Variants in NECTIN3 observed in about 807,000 individuals in gnomAD.
NECTIN3 encodes the protein nectin cell adhesion molecule 3.
In NECTIN3, 8 loss-of-function variants were observed where a neutral mutation model predicts 49.4. That is an observed-to-expected ratio of 0.16 (90% CI 0.10 to 0.29). NECTIN3 has a LOEUF of 0.29. Ranked by LOEUF, NECTIN3 falls within the 10% of genes least tolerant of loss-of-function variation. The probability of loss-of-function intolerance (pLI) is 1.00; values close to 1 mark genes in which losing one functional copy is unlikely to be tolerated. For synonymous variants in NECTIN3, 277 were observed against 241.1 expected, an observed-to-expected ratio of 1.15 and a Z score of -1.38; for missense variants, 581 against 654.6, an observed-to-expected ratio of 0.89 and a Z score of 1.23.
chr3:111,134,683 T>G lies in NECTIN3; in HGVS notation c.*468T>G, dbSNP rs1427909732. The G allele has an allele frequency of 3.5e-6, 3 of 849,960 alleles. No individual in the cohort carries two copies. The East Asian group carries it at 3.7e-4, about 104-fold the overall frequency. The allele number at this position is 849,960 out of a possible 1,614,324, so 52.7% of individuals were successfully genotyped here. A position where few individuals can be genotyped will look rare whatever the true frequency, so the allele number is the denominator to read the frequency against. On this transcript the variant is annotated 3_prime_UTR_variant, in exon 6 of 6. Transcript: ENST00000485303. The stretch of plus-strand genomic sequence containing the variant: ...GACTATAAAACTAATTCAAGAAATA[T>G]TTATATATATTTTTTAATATACAAA...
chr3:111,136,955 G>C lies in NECTIN3; in HGVS notation c.*2740G>C, dbSNP rs960902468. 4 of 975,232 alleles carry C rather than the reference G, an allele frequency of 4.1e-6. No homozygotes were observed. The South Asian group carries it at 1.4e-4, about 35-fold the overall frequency. The allele number at this position is 975,232 out of a possible 1,614,324, so 60.4% of individuals were successfully genotyped here. On this transcript the variant is annotated 3_prime_UTR_variant, in exon 6 of 6. Coordinates refer to ENST00000485303, the MANE Select transcript of NECTIN3 (RefSeq NM_015480.3). The stretch of plus-strand genomic sequence containing the variant: ...TAGTATTTTACCACGTGCCTAGTAG[G>C]GTTCTATTTGCTAACTCTAATATTG...
intron 7 of NECTIN3, among the ~76,000 whole-genome samples, chr3:111,162,470 C>A (rs1276883667): frequency 6.6e-6 from 1 of 152,108 alleles, no homozygotes; most frequent in African/African-American, 2.4e-5. Context: ...GTGTTTGCTT[C>A]CCTTTCTGCC....
At chr3:111,176,688 GA>G (rs1341886524) in intron 7 of NECTIN3, among the ~76,000 whole-genome samples, 2 of 151,262 alleles carry the variant, frequency 1.3e-5, no homozygotes, top group African/African-American at 2.4e-5. Context: ...TTTCTTCTGG[GA>G]AAATGTTGAA....
At chr3:111,187,317 C>T (rs551462262) in intron 7 of NECTIN3, among the ~76,000 whole-genome samples, 3 of 152,092 alleles carry the variant, frequency 2.0e-5, no homozygotes, top group Non-Finnish European at 2.9e-5. Context: ...GGAGGAGGAT[C>T]GCTTGAACTC....
At chr3:111,171,704 C>A (rs2035435806) in intron 7 of NECTIN3, among the ~76,000 whole-genome samples, 1 of 149,362 alleles carries the variant, frequency 6.7e-6, no homozygotes, top group African/African-American at 2.5e-5. Context: ...TGGGTGGGAC[C>A]TCATAAAAAA....
downstream of NECTIN3, among the ~76,000 whole-genome samples, chr3:111,141,146 A>T (rs997794854): frequency 6.6e-6 from 1 of 151,994 alleles, no homozygotes; most frequent in Admixed American, 6.6e-5. Flanking sequence ...GTAGTGAGAC[A>T]TAAATGTTCA....
chr3:111,173,770 A>T (rs1028443373), intron 7 of NECTIN3, among the ~76,000 whole-genome samples: 5 of 152,144 alleles, frequency 3.3e-5, no homozygotes, highest in African/African-American at 1.2e-4. Flanking sequence ...AGCCTTTAGT[A>T]AAGTGTACAG....
Position 111,071,925 on chromosome 3 carries a change from C to T in NECTIN3, c.-93C>T, listed in dbSNP as rs927217652. 11 of 869,266 alleles carry T rather than the reference C, an allele frequency of 1.3e-5. No homozygotes were observed. The African/African-American group carries it at 1.3e-4, about 10-fold the overall frequency. 53.8% of individuals were successfully genotyped at this position (869,266 alleles called of 1,614,324 possible). A position where few individuals can be genotyped will look rare whatever the true frequency, so the allele number is the denominator to read the frequency against. ...AGCTGGGAGCTGGGGACGCGCGCGC[C>T]GGACCTTCCACAGCCTCCGCCCAGA... On this transcript the variant is annotated 5_prime_UTR_variant, in exon 1 of 6. Coordinates refer to ENST00000485303, the MANE Select transcript of NECTIN3 (RefSeq NM_015480.3).
chr3:111,119,239 T>C (rs1390304385), intron 3 of NECTIN3, among the ~76,000 whole-genome samples: 1 of 152,186 alleles, frequency 6.6e-6, no homozygotes, highest in East Asian at 1.9e-4. Flanking sequence ...AAATGTACAA[T>C]GCTAAAGGGC....
At chr3:111,123,023 T>G (rs2034019216) in intron 4 of NECTIN3, among the ~76,000 whole-genome samples, 1 of 151,936 alleles carries the variant, frequency 6.6e-6, no homozygotes. Flanking sequence ...AAGATTTTCT[T>G]GATTTTTTTT....
chr3:111,098,230 A>T (rs2032701059), intron 1 of NECTIN3, among the ~76,000 whole-genome samples: 2 of 152,168 alleles, frequency 1.3e-5, no homozygotes, highest in Non-Finnish European at 2.9e-5. Context: ...TCATGTTATC[A>T]CTACTGTTGT....
At chr3:111,186,261 A>G (rs1351631462) in intron 7 of NECTIN3, among the ~76,000 whole-genome samples, 2 of 152,124 alleles carry the variant, frequency 1.3e-5, no homozygotes, top group African/African-American at 2.4e-5. Context: ...GCAATCATAA[A>G]CAAAAAGAAC....
intron 1 of NECTIN3, chr3:111,072,904 G>C (rs1180511028): frequency 4.7e-6 from 1 of 211,644 alleles, no homozygotes; most frequent in Non-Finnish European, 9.5e-6. Context: ...ACAGTCACGC[G>C]CCTGTTTCCC....
At chr3:111,192,504 T>TATTC in intron 1 of NECTIN3, 1 of 1,235,968 alleles carries the variant, frequency 8.1e-7, no homozygotes, top group Non-Finnish European at 1.1e-6. Context: ...AAGTTCATTT[T>TATTC]ATTCATCTTT....
At chr3:111,139,371 A>T (rs2034683305), downstream of NECTIN3, among the ~76,000 whole-genome samples, 1 of 151,694 alleles carries the variant, frequency 6.6e-6, no homozygotes, top group East Asian at 1.9e-4. Context: ...TTTATTTCTT[A>T]AAGAAACTGC....
At chr3:111,185,819 A>G (rs776176934) in intron 7 of NECTIN3, among the ~76,000 whole-genome samples, 4 of 152,198 alleles carry the variant, frequency 2.6e-5, no homozygotes, top group Non-Finnish European at 5.9e-5. Context: ...GTGGGTGGGT[A>G]AAGAAAAGAG....
chr3:111,107,108 T>G (rs1376733405), intron 1 of NECTIN3, among the ~76,000 whole-genome samples: 3 of 152,156 alleles, frequency 2.0e-5, no homozygotes, highest in African/African-American at 7.2e-5. Context: ...ATCTGTAATA[T>G]GGATCTCCCT....
In NECTIN3 at chr3:111,118,868, G is replaced by T. The variant is rs1166692156; in HGVS notation, c.715G>T (p.Ala239Ser). The T allele has an allele frequency of 6.2e-7, 1 of 1,614,152 alleles. No homozygotes were observed. Among genetic ancestry groups the T allele is most frequent in the South Asian group, 1.1e-5 (1 of 91,082 alleles). ...GTACAAGCTATTTCCAACCAGATTT[G>T]CTAGAGGAAGGCGAATTACTTGTGT... The part of the protein sequence containing the change: ...SQYKLFPTRF[A>S]RGRRITCVVK... The change falls in exon 3 of 6, where the codon GCT becomes TCT. Residue 239 changes from alanine (A) to serine (S), a missense_variant. Ala to Ser is a moderately conservative substitution (Grantham distance 99, BLOSUM62 1). Coordinates refer to ENST00000485303, the MANE Select transcript of NECTIN3 (RefSeq NM_015480.3).
intron 7 of NECTIN3, among the ~76,000 whole-genome samples, chr3:111,168,740 G>A (rs183301605): frequency 7.9e-5 from 12 of 152,298 alleles, no homozygotes; most frequent in African/African-American, 2.9e-4. Flanking sequence ...AAAGTTCAGA[G>A]ACTACCGAAA....
Sources: allele counts gnomAD v4.1 joint callset (sites outside exome capture counted in the v4.1 genomes callset), GRCh38; gene constraint gnomAD v4.1.1; transcripts MANE v1.5; gene names NCBI Gene and HGNC (gene_info 2026-07-23, HGNC 2026-07-21).